TTC39B: variants seen among roughly 807,000 people sequenced by gnomAD.
TTC39B encodes the protein tetratricopeptide repeat domain 39B.
A neutral mutation model predicts 96.6 loss-of-function variants in TTC39B; 92 were observed. That is an observed-to-expected ratio of 0.95 (90% CI 0.80 to 1.13). The LOEUF (loss-of-function observed/expected upper bound fraction) is 1.13. Ranked by LOEUF, TTC39B falls within the 50% of genes most tolerant of loss-of-function variation. The pLI is 0.00. For missense variants in TTC39B, 955 were observed against 809.3 expected (o/e 1.18, Z -2.18); for synonymous variants, 367 against 299.4 (o/e 1.23, Z -2.33).
At chr9:15,292,209 C>T (rs928936949) in intron 1 of TTC39B, among the ~76,000 whole-genome samples, 10 of 152,114 alleles carry the variant, frequency 6.6e-5, no homozygotes, top group Non-Finnish European at 8.8e-5. Context: ...GCCAGGAATG[C>T]TAAATACAGA....
chr9:15,235,207 A>T (rs1235266299), intron 2 of TTC39B, among the ~76,000 whole-genome samples: 1 of 152,062 alleles, frequency 6.6e-6, no homozygotes, highest in African/African-American at 2.4e-5. Context: ...CCAACTAATA[A>T]TTTTTTAAAA....
chr9:15,266,851 G>C (rs1823150714), intron 2 of TTC39B, among the ~76,000 whole-genome samples: 1 of 152,102 alleles, frequency 6.6e-6, no homozygotes, highest in African/African-American at 2.4e-5. Flanking sequence ...AGGACAAGAG[G>C]GGCAGATCAC....
intron 2 of TTC39B, among the ~76,000 whole-genome samples, chr9:15,238,385 C>A (rs931809867): frequency 3.3e-5 from 5 of 152,094 alleles, no homozygotes; most frequent in African/African-American, 1.2e-4. Context: ...CCCAAAAAGA[C>A]AGAAAACCCC....
At chr9:15,217,704 G>A (rs900294736) in intron 3 of TTC39B, among the ~76,000 whole-genome samples, 1 of 152,088 alleles carries the variant, frequency 6.6e-6, no homozygotes. Flanking sequence ...TCCTACTACT[G>A]CTTTGACTCC....
exon 20 of TTC39B, chr9:15,167,011 TATATATATATA>T (rs1453323074): frequency 0.051 from 469 of 9,274 alleles, 83 homozygotes; most frequent in Non-Finnish European, 0.067. Flanking sequence ...TATATATATA[TATATATATATA>T]TATATATTTT....
exon 20 of TTC39B, chr9:15,169,446 A>G (rs894327605): frequency 1.3e-5 from 2 of 149,448 alleles, no homozygotes; most frequent in Non-Finnish European, 3.0e-5. Flanking sequence ...TCCATTAAGG[A>G]AAAAAAAAAG....
exon 20 of TTC39B, chr9:15,167,102 T>C (rs1817544801): frequency 8.0e-6 from 1 of 125,410 alleles, no homozygotes; most frequent in Non-Finnish European, 1.6e-5. Context: ...AGTGGCATGA[T>C]CTTAGCTCAC....
At chr9:15,178,151 G>A (rs911613123) in intron 17 of TTC39B, among the ~76,000 whole-genome samples, 2 of 152,082 alleles carry the variant, frequency 1.3e-5, no homozygotes, top group African/African-American at 4.8e-5. Context: ...TTACAGGCGT[G>A]AGCCACCGTG....
rs76584528 is a variant in TTC39B at position 15,180,793 on chromosome 9, T to G, written c.1723+1514A>C. 9.2e-3 allele frequency among the ~76,000 whole-genome samples: 1,404 copies of G among 152,278 alleles called. 22 individuals are homozygous for G. The highest frequency in any genetic ancestry group is 0.032 in the African/African-American group (1,321 of 41,552). On this transcript the variant is annotated intron_variant, in intron 17 of 19. Transcript: ENST00000512701. ...AGGTGGGAAGGAGAACAGGAGATAA[T>G]CTTGCATAAAAGAAGTCCTAGAAGA...
chr9:15,287,925 G>A (rs1216210389), intron 1 of TTC39B, among the ~76,000 whole-genome samples: 4 of 125,466 alleles, frequency 3.2e-5, no homozygotes, highest in East Asian at 2.3e-4. Context: ...CAGCCTGGGC[G>A]ACAGGGCGAG....
At chr9:15,250,425 A>T (rs73646018) in intron 2 of TTC39B, among the ~76,000 whole-genome samples, 11,617 of 152,162 alleles carry the variant, frequency 0.076, 579 homozygotes, top group African/African-American at 0.13. Context: ...AAAAAAAAAA[A>T]GAATGATCCC....
chr9:15,191,592 A>G (rs546831606), intron 9 of TTC39B, among the ~76,000 whole-genome samples: 1 of 152,306 alleles, frequency 6.6e-6, no homozygotes, highest in South Asian at 2.1e-4. Flanking sequence ...CTTTCCCAGA[A>G]GCAAAAATCA....
intron 14 of TTC39B, among the ~76,000 whole-genome samples, chr9:15,187,345 T>A (rs1818587378): frequency 6.6e-6 from 1 of 152,208 alleles, no homozygotes; most frequent in Non-Finnish European, 1.5e-5. Context: ...TTCATTATCA[T>A]GAAAAGCCTG....
rs542936426 is a variant in TTC39B at position 15,199,404 on chromosome 9, A to C, written c.824+457T>G. Among the ~76,000 whole-genome samples the C allele has an allele frequency of 2.0e-5, 3 of 152,250 alleles. No individual in the cohort carries two copies. In the South Asian group the frequency reaches 6.2e-4, roughly 32 times the overall value. On this transcript the variant is annotated intron_variant, in intron 8 of 19. Coordinates refer to ENST00000512701, the Ensembl canonical transcript of TTC39B. ...TCCTATAACACTGAATACACACTCA[A>C]CAAAAAATTAAGTTCATTTTTACCA... is the stretch of plus-strand genomic sequence containing the variant.
intron 1 of TTC39B, among the ~76,000 whole-genome samples, chr9:15,299,586 A>G (rs1373024302): frequency 1.3e-5 from 2 of 152,086 alleles, no homozygotes; most frequent in Non-Finnish European, 2.9e-5. Flanking sequence ...TCAAAAAAGG[A>G]AAATCTCTCC....
intron 18 of TTC39B, among the ~76,000 whole-genome samples, chr9:15,177,102 C>T (rs978603283): frequency 6.6e-5 from 10 of 152,178 alleles, no homozygotes; most frequent in Admixed American, 4.6e-4. Flanking sequence ...GAATCCAGCA[C>T]AGTCTCTGGC....
intron 2 of TTC39B, among the ~76,000 whole-genome samples, chr9:15,244,072 C>A (rs1463977937): frequency 1.3e-5 from 2 of 152,182 alleles, no homozygotes. Context: ...TTTTCAAATT[C>A]TTTCCTTAGG....
intron 13 of TTC39B, 100 bp from the exon 14 acceptor site, chr9:15,188,232 A>T: frequency 8.5e-7 from 1 of 1,173,520 alleles, no homozygotes; most frequent in Non-Finnish European, 1.2e-6. Flanking sequence ...AAAGGACAAA[A>T]TTATCACTCA....
At chr9:15,221,725 T>C (rs1820853691) in intron 3 of TTC39B, among the ~76,000 whole-genome samples, 2 of 152,276 alleles carry the variant, frequency 1.3e-5, no homozygotes, top group South Asian at 4.1e-4. Flanking sequence ...ACAGAAAGAG[T>C]TGGGTTTTGT....
Sources: allele counts gnomAD v4.1 joint callset (sites outside exome capture counted in the v4.1 genomes callset), GRCh38; gene constraint gnomAD v4.1.1; transcripts MANE v1.5; gene names NCBI Gene and HGNC (gene_info 2026-07-23, HGNC 2026-07-21).